The following DNAH14 variants were observed in gnomAD, a reference collection of about 807,000 sequenced individuals.
The protein encoded by DNAH14 is dynein axonemal heavy chain 14.
A neutral mutation model predicts 520.9 loss-of-function variants in DNAH14; 478 were observed. The observed-to-expected ratio is 0.92, with a 90% CI of 0.85 to 0.99. DNAH14 has a LOEUF of 0.99. Among genes scored for constraint, DNAH14 ranks in the 50% least tolerant of loss-of-function variants. DNAH14 has a pLI of 0.00. For synonymous variants in DNAH14, 1,581 were observed against 1,757.2 expected (o/e 0.90, Z 2.51); for missense variants, 4,831 against 5,234.5 (o/e 0.92, Z 2.38).
At chr1:225,092,956 T>A (rs1462198660) in intron 21 of DNAH14, among the ~76,000 whole-genome samples, 1 of 151,960 alleles carries the variant, frequency 6.6e-6, no homozygotes, top group East Asian at 1.9e-4. Flanking sequence ...GCATACAACC[T>A]CCAAAGACTG....
intron 46 of DNAH14, 147 bp from the exon 47 acceptor site, chr1:225,264,050 C>A: frequency 1.6e-6 from 1 of 609,946 alleles, no homozygotes; most frequent in African/African-American, 1.9e-5. Context: ...ACACTAATTT[C>A]ATCTGAAAAG....
intron 11 of DNAH14, among the ~76,000 whole-genome samples, chr1:225,026,544 C>T (rs2066135222): frequency 6.6e-6 from 1 of 152,112 alleles, no homozygotes; most frequent in Non-Finnish European, 1.5e-5. Context: ...ATTGTCTTGG[C>T]ACCCTCGTTG....
At chr1:225,318,896 C>T (rs1378356695) in intron 61 of DNAH14, among the ~76,000 whole-genome samples, 1 of 152,144 alleles carries the variant, frequency 6.6e-6, no homozygotes, top group East Asian at 1.9e-4. Context: ...AATTGTAAGG[C>T]ATACCAGTAT....
At chr1:225,373,915 C>A (rs1484634075) in intron 77 of DNAH14, among the ~76,000 whole-genome samples, 1 of 151,240 alleles carries the variant, frequency 6.6e-6, no homozygotes, top group Non-Finnish European at 1.5e-5. Context: ...CGCTTGAGCG[C>A]AGGAGTTCCA....
chr1:225,385,954 G>T lies in DNAH14; in HGVS notation c.13078-2425G>T, dbSNP rs943216363. 2.0e-5 allele frequency among the ~76,000 whole-genome samples: 3 copies of T among 152,160 alleles called. No individual in the cohort carries two copies. The East Asian group carries it at 5.8e-4, about 29-fold the overall frequency. On this transcript the variant is annotated intron_variant, in intron 81 of 85. Transcript: ENST00000682510. ...CTAAGCCAAAAGAACAAAGCTGGAG[G>T]CATCACGCTACCTGACTTCAAACTA...
chr1:225,103,486 G>A (rs569612954), intron 23 of DNAH14, among the ~76,000 whole-genome samples: 2 of 152,188 alleles, frequency 1.3e-5, no homozygotes, highest in South Asian at 2.1e-4. Context: ...TGGGCAGTAT[G>A]GCCATTTTCA....
intron 27 of DNAH14, among the ~76,000 whole-genome samples, chr1:225,128,580 A>C (rs2078029359): frequency 6.6e-6 from 1 of 151,640 alleles, no homozygotes. Context: ...TGATTATCTC[A>C]ATAGATGCAG....
At chr1:225,323,827 T>G (rs1030963269) in intron 62 of DNAH14, among the ~76,000 whole-genome samples, 22 of 150,148 alleles carry the variant, frequency 1.5e-4, no homozygotes, top group South Asian at 6.3e-4. Flanking sequence ...TTAATTTTTG[T>G]TTTTTTTTAG....
intron 27 of DNAH14, among the ~76,000 whole-genome samples, chr1:225,139,866 T>C (rs1036906152): frequency 1.3e-5 from 2 of 152,234 alleles, no homozygotes; most frequent in Non-Finnish European, 2.9e-5. Flanking sequence ...TCCCAGACTC[T>C]TGGTCCTGCC....
intron 55 of DNAH14, among the ~76,000 whole-genome samples, chr1:225,290,641 GTGTGTGTA>G (rs1302164759): frequency 0.018 from 1,669 of 90,896 alleles, 15 homozygotes; most frequent in Non-Finnish European, 0.021. Flanking sequence ...ATGTGTGTGT[GTGTGTGTA>G]TATATATATA....
chr1:224,993,421 T>G (rs2063186288), intron 8 of DNAH14, among the ~76,000 whole-genome samples: 1 of 152,058 alleles, frequency 6.6e-6, no homozygotes, highest in Non-Finnish European at 1.5e-5. Context: ...TGATTAAGTC[T>G]GGGTAGGTGA....
intron 23 of DNAH14, among the ~76,000 whole-genome samples, chr1:225,113,311 T>C (rs1294278106): frequency 2.6e-5 from 4 of 152,186 alleles, no homozygotes; most frequent in Admixed American, 6.5e-5. Context: ...CTTGTTCTCT[T>C]CCCTTACTTT....
chr1:225,132,331 A>C (rs2078506502), intron 27 of DNAH14, among the ~76,000 whole-genome samples: 1 of 152,062 alleles, frequency 6.6e-6, no homozygotes, highest in Non-Finnish European at 1.5e-5. Flanking sequence ...CCCAGCACCC[A>C]TTAGCTGTTC....
At chr1:225,264,781 C>A (rs1220099716) in intron 47 of DNAH14, among the ~76,000 whole-genome samples, 1 of 152,118 alleles carries the variant, frequency 6.6e-6, no homozygotes, top group Non-Finnish European at 1.5e-5. Flanking sequence ...TGCCACACCA[C>A]CAAATCTTGC....
chr1:225,358,357 C>T, intron 73 of DNAH14, 139 bp from the exon 74 acceptor site: 2 of 728,482 alleles, frequency 2.7e-6, no homozygotes, highest in Non-Finnish European at 4.3e-6. Flanking sequence ...TAGTCTGTCC[C>T]ATTAAGCTTC....
intron 8 of DNAH14, among the ~76,000 whole-genome samples, chr1:224,985,723 A>G (rs1432226591): frequency 6.7e-6 from 1 of 150,112 alleles, no homozygotes; most frequent in Non-Finnish European, 1.5e-5. Context: ...GAAATAATCA[A>G]AAAGAAGCAG....
chr1:225,362,448 G>T (rs546128334), intron 75 of DNAH14, among the ~76,000 whole-genome samples: 1 of 151,862 alleles, frequency 6.6e-6, no homozygotes, highest in Non-Finnish European at 1.5e-5. Flanking sequence ...GGTGGCACAC[G>T]CCTGTAGTCC....
intron 43 of DNAH14, among the ~76,000 whole-genome samples, chr1:225,247,729 A>G (rs2092365888): frequency 6.6e-6 from 1 of 152,220 alleles, no homozygotes; most frequent in Non-Finnish European, 1.5e-5. Context: ...AAGGAATAAT[A>G]ATTAGACAAA....
rs1361010363 is a variant in DNAH14 at position 225,094,676 on chromosome 1, AAACAACAAAACAAACAAAC to A, written c.3574-2439_3574-2421del. ...CACAGCAAAAAAAAAAAAAAAAAAA[AAACAACAAAACAAACAAAC>A]AAAAAAACGCTATCAACAGAGTAAA... On this transcript the variant is annotated intron_variant, in intron 21 of 85. Coordinates refer to ENST00000682510, the MANE Select transcript of DNAH14 (RefSeq NM_001367479.1). Among the ~76,000 whole-genome samples the A allele has an allele frequency of 2.8e-3, 267 of 93,852 alleles. 4 individuals are homozygous for A. Among genetic ancestry groups the A allele is most frequent in the African/African-American group, 0.024 (262 of 10,750 alleles). The allele number at this position is 93,852 out of a possible 152,430, so 61.6% of individuals were successfully genotyped here. A position where few individuals can be genotyped will look rare whatever the true frequency, so the allele number is the denominator to read the frequency against.
Sources: allele counts gnomAD v4.1 joint callset (sites outside exome capture counted in the v4.1 genomes callset), GRCh38; gene constraint gnomAD v4.1.1; transcripts MANE v1.5; gene names NCBI Gene and HGNC (gene_info 2026-07-23, HGNC 2026-07-21).